Variants in TMEM131 observed in about 807,000 individuals in gnomAD.
The protein encoded by TMEM131 is 2610524E03Rik.
Under a neutral mutation model 211.6 loss-of-function variants are expected in TMEM131, and 66 were observed. The ratio of observed to expected loss-of-function variants is 0.31; its 90% CI spans 0.26 to 0.38. The LOEUF (loss-of-function observed/expected upper bound fraction) is 0.38. Ranked by LOEUF, TMEM131 falls within the 10% of genes least tolerant of loss-of-function variation. TMEM131 has a pLI of 1.00. For missense variants in TMEM131, 2,036 were observed against 2,299.3 expected (o/e 0.89, Z 2.34); for synonymous variants, 844 against 841.3 (o/e 1.00, Z -0.06).
At chr2:97,866,348 C>T (rs898366495) in intron 4 of TMEM131, among the ~76,000 whole-genome samples, 1 of 152,286 alleles carries the variant, frequency 6.6e-6, no homozygotes, top group East Asian at 1.9e-4. Context: ...TAAAATTGCC[C>T]TGTAATCTTC....
At chr2:97,944,562 A>G (rs924573572) in intron 1 of TMEM131, among the ~76,000 whole-genome samples, 1 of 152,216 alleles carries the variant, frequency 6.6e-6, no homozygotes, top group Admixed American at 6.5e-5. Flanking sequence ...TCTGCAAATG[A>G]TGTATCTGAT....
intron 1 of TMEM131, among the ~76,000 whole-genome samples, chr2:97,962,260 T>C (rs1223937004): frequency 2.0e-5 from 3 of 152,154 alleles, no homozygotes; most frequent in East Asian, 3.8e-4. Context: ...TCCCAGCACT[T>C]TGGGAGGCCG....
intron 31 of TMEM131, among the ~76,000 whole-genome samples, chr2:97,788,571 T>C (rs55776387): frequency 0.31 from 47,021 of 152,048 alleles, 8,599 homozygotes; most frequent in Non-Finnish European, 0.39. Context: ...CCAAACTGGG[T>C]CTCGGCCCAC....
At chr2:97,763,078 C>G (rs770981715) in intron 35 of TMEM131, 1 of 152,186 alleles carries the variant, frequency 6.6e-6, no homozygotes, top group Non-Finnish European at 1.5e-5. Context: ...AGCTCGCTAC[C>G]TGGCTGGCCC....
chr2:97,795,018 G>A lies in TMEM131; in HGVS notation c.3298C>T (p.Pro1100Ser), dbSNP rs1347120823. Residue 1100 changes from proline (P) to serine (S), a missense_variant, in exon 29 of 41, where the codon CCT (proline) becomes TCT (serine). Transcript: ENST00000186436. ...GCACAGGTTGCTAACATATGGTAAG[G>A]AAGGGATGCATTCAATATAAATACA... Reference protein sequence around the residue: ...EFVFILNASLPYHMLATCAEA... With the variant: ...EFVFILNASLSYHMLATCAEA... The A allele has an allele frequency of 6.2e-7, 1 of 1,613,718 alleles. No individual in the cohort carries two copies. Among genetic ancestry groups the A allele is most frequent in the Admixed American group, 1.7e-5 (1 of 59,992 alleles).
At chr2:97,777,236 A>G (rs2104824329) in intron 31 of TMEM131, among the ~76,000 whole-genome samples, 1 of 152,356 alleles carries the variant, frequency 6.6e-6, no homozygotes, top group East Asian at 1.9e-4. Flanking sequence ...GAAGACACAC[A>G]AGCCACATTT....
In TMEM131 at chr2:97,802,924, A is replaced by G. The variant is rs1443913998; in HGVS notation, c.2403-134T>C. 9.6e-6 allele frequency: 7 copies of G among 727,840 alleles called. No homozygotes were observed. The East Asian group carries it at 1.7e-4, about 18-fold the overall frequency. 45.1% of individuals were successfully genotyped at this position (727,840 alleles called of 1,614,324 possible). On this transcript the variant is annotated intron_variant, in intron 22 of 40. Transcript: ENST00000186436. Reference sequence around the variant, plus strand: ...AAAAAACACATTTATTCATTCTAATATTTTACTATGCTTGTAATGCTATAT... The same window carrying G: ...AAAAAACACATTTATTCATTCTAATGTTTTACTATGCTTGTAATGCTATAT...
intron 1 of TMEM131, among the ~76,000 whole-genome samples, chr2:97,957,645 A>T (rs1276657061): frequency 1.4e-5 from 2 of 147,258 alleles, no homozygotes; most frequent in Admixed American, 6.8e-5. Context: ...ACATTAGTTT[A>T]AAAAAAAAAA....
At chr2:97,860,964 G>C (rs1195110543) in intron 4 of TMEM131, among the ~76,000 whole-genome samples, 2 of 152,180 alleles carry the variant, frequency 1.3e-5, no homozygotes, top group Non-Finnish European at 2.9e-5. Context: ...AAGTGGCACA[G>C]AGAGAGAGTC....
chr2:97,758,350 C>CT (rs1678619678), intron 40 of TMEM131, among the ~76,000 whole-genome samples: 1 of 152,198 alleles, frequency 6.6e-6, no homozygotes, highest in South Asian at 2.1e-4. Flanking sequence ...GCCAAAACCA[C>CT]TAATTATTTT....
At chr2:97,892,273 C>T (rs1334902008) in intron 3 of TMEM131, among the ~76,000 whole-genome samples, 4 of 152,126 alleles carry the variant, frequency 2.6e-5, no homozygotes, top group Non-Finnish European at 5.9e-5. Flanking sequence ...AATATTTTTA[C>T]CCTGGTCCTG....
chr2:97,891,615 T>C (rs373299401), intron 3 of TMEM131, among the ~76,000 whole-genome samples: 1 of 152,176 alleles, frequency 6.6e-6, no homozygotes, highest in East Asian at 1.9e-4. Flanking sequence ...GTCATACTGC[T>C]TGTTGAACTG....
Position 97,978,427 on chromosome 2 carries a change from C to T in TMEM131, c.187+17049G>A, listed in dbSNP as rs377257737. 1.6e-4 allele frequency among the ~76,000 whole-genome samples: 24 copies of T among 152,270 alleles called. No homozygotes were observed. The East Asian group carries it at 2.9e-3, about 18-fold the overall frequency. On this transcript the variant is annotated intron_variant, in intron 1 of 40. Coordinates refer to ENST00000186436, the MANE Select transcript of TMEM131 (RefSeq NM_015348.2). ...GCAATTCAGTTACATCTTCAGGATG[C>T]CAGCCACTCTGTTGCCCAGGCTGGA...
intron 1 of TMEM131, among the ~76,000 whole-genome samples, chr2:97,986,052 G>A (rs1327556582): frequency 3.3e-5 from 5 of 151,294 alleles, no homozygotes; most frequent in Non-Finnish European, 4.4e-5. Context: ...AAAGTCAAAA[G>A]ACTAAGTCAA....
At chr2:97,761,875 G>A (rs1212676880) in intron 36 of TMEM131, 160 bp downstream of exon 36, 12 of 729,228 alleles carry the variant, frequency 1.6e-5, no homozygotes, top group East Asian at 9.1e-5. Flanking sequence ...AGCAGGAAGC[G>A]GGGGTGGACC....
intron 5 of TMEM131, among the ~76,000 whole-genome samples, chr2:97,852,028 A>G (rs909946188): frequency 6.6e-6 from 1 of 152,364 alleles, no homozygotes; most frequent in East Asian, 1.9e-4. Context: ...AATGCAAAGG[A>G]AAAGTTGTTG....
intron 1 of TMEM131, among the ~76,000 whole-genome samples, chr2:97,977,130 T>C (rs1679575614): frequency 6.6e-6 from 1 of 152,186 alleles, no homozygotes; most frequent in Non-Finnish European, 1.5e-5. Context: ...TTAGATACGA[T>C]ACCAAAAACA....
At chr2:97,847,551 T>C (rs757689246) in intron 5 of TMEM131, among the ~76,000 whole-genome samples, 4 of 152,056 alleles carry the variant, frequency 2.6e-5, no homozygotes, top group Non-Finnish European at 5.9e-5. Flanking sequence ...TTAATGAAAA[T>C]ATTGTGTTCA....
chr2:97,804,186 A>G (rs1295575282), intron 22 of TMEM131, among the ~76,000 whole-genome samples: 1 of 152,166 alleles, frequency 6.6e-6, no homozygotes, highest in African/African-American at 2.4e-5. Flanking sequence ...ATTCTAGTCA[A>G]ATTCTTTTCT....
Sources: gnomAD v4.1 joint callset for allele counts (sites outside exome capture counted in the v4.1 genomes callset) on GRCh38, gnomAD v4.1.1 for gene constraint, MANE v1.5 for transcripts, NCBI Gene and HGNC (gene_info 2026-07-23, HGNC 2026-07-21) for gene names.